The following CDC42EP4 variants were observed in gnomAD, a reference collection of about 807,000 sequenced individuals.
CDC42EP4 encodes CDC42 effector protein 4.
Under a neutral mutation model 5.6 loss-of-function variants are expected in CDC42EP4, and 6 were observed. That is an observed-to-expected ratio of 1.07 (90% CI 0.59 to 2.12). The LOEUF is 2.12. Among genes scored for constraint, CDC42EP4 ranks in the 30% most tolerant of loss-of-function variants. The pLI, the probability that CDC42EP4 is intolerant of heterozygous loss-of-function variation, is 0.00. For missense variants in CDC42EP4, 490 were observed against 508.6 expected (o/e 0.96, Z 0.35); for synonymous variants, 230 against 224.2 (o/e 1.03, Z -0.23).
chr17:73,283,948 T>C lies in CDC42EP4; in HGVS notation c.*1482A>G, dbSNP rs1256932151. The C allele has an allele frequency of 2.0e-5, 3 of 152,194 alleles. No individual in the cohort carries two copies. The highest frequency in any genetic ancestry group is 2.9e-5 in the Non-Finnish European group (2 of 68,072). 9.4% of individuals were successfully genotyped at this position (152,194 alleles called of 1,614,324 possible). A position where few individuals can be genotyped will look rare whatever the true frequency, so the allele number is the denominator to read the frequency against. ...TCTCCCCCTCCCCTCACTGGCTACA[T>C]GGAGACAGGGAGGTGGGTCAGGCTG... On this transcript the variant is annotated 3_prime_UTR_variant, in exon 2 of 2. Transcript: ENST00000335793.
At chr17:73,311,237 G>A (rs898304634) in intron 1 of CDC42EP4, 2 of 152,198 alleles carry the variant, frequency 1.3e-5, no homozygotes, top group Non-Finnish European at 2.9e-5. Context: ...AAGGGTTCGC[G>A]GGGCGGGAGT....
rs761141537 is a variant in CDC42EP4 at position 73,286,728 on chromosome 17, G to A, written c.-112-116C>T. ...AGCGCTCCTACCAAAGTTAAATGCT[G>A]TGAAATAAGCCAGCAATCCATGGTA... On this transcript the variant is annotated intron_variant, in intron 1 of 1. Coordinates refer to ENST00000335793, the MANE Select transcript of CDC42EP4 (RefSeq NM_012121.5). The surrounding 1 kb of genome is among the most constrained non-coding windows in gnomAD (Gnocchi z 7.7). 91 of 548,926 alleles carry A rather than the reference G, an allele frequency of 1.7e-4. No individual in the cohort carries two copies. The highest frequency in any genetic ancestry group is 2.7e-4 in the Non-Finnish European group (84 of 309,338). The allele number at this position is 548,926 out of a possible 1,614,324, so 34.0% of individuals were successfully genotyped here.
rs576459506 is a variant in CDC42EP4 at position 73,284,021 on chromosome 17, C to T, written c.*1409G>A. On this transcript the variant is annotated 3_prime_UTR_variant, in exon 2 of 2. Coordinates refer to ENST00000335793, the MANE Select transcript of CDC42EP4 (RefSeq NM_012121.5). ...GGCAGTCAACCTCAGGGCTCATACCCGAGCTTCTGCTCAATCCCCTCGGGG... is the reference window on the plus strand; with the variant it reads ...GGCAGTCAACCTCAGGGCTCATACCTGAGCTTCTGCTCAATCCCCTCGGGG... 6.6e-6 allele frequency: 1 copy of T among 152,212 alleles called. No individual in the cohort carries two copies. Among genetic ancestry groups the T allele is most frequent in the Non-Finnish European group, 1.5e-5 (1 of 68,044 alleles). 9.4% of individuals were successfully genotyped at this position (152,212 alleles called of 1,614,324 possible).
intron 1 of CDC42EP4, among the ~76,000 whole-genome samples, chr17:73,291,959 G>A (rs762876884): frequency 3.3e-5 from 5 of 152,116 alleles, no homozygotes; most frequent in South Asian, 2.1e-4. Context: ...TGGACCCCTC[G>A]CCTATCCTCC....
Position 73,285,675 on chromosome 17 carries a change from G to A in CDC42EP4, c.826C>T (p.Leu276Phe). Reference sequence around the variant, plus strand: ...TCATCCTCCAGAGCATGGGAGGGGAGGGAGGGCAAGTCTGGGCCAGCCTTG... The same window carrying A: ...TCATCCTCCAGAGCATGGGAGGGGAAGGAGGGCAAGTCTGGGCCAGCCTTG... Reference protein sequence around the residue: ...EGKAGPDLPSLPSHALEDEGW... With the variant: ...EGKAGPDLPSFPSHALEDEGW... Residue 276 changes from leucine (L) to phenylalanine (F), a missense_variant, in exon 2 of 2, where the codon CTC becomes TTC. Coordinates refer to ENST00000335793, the MANE Select transcript of CDC42EP4 (RefSeq NM_012121.5). This position sits in a 1 kb window ranked among gnomAD's most constrained non-coding sequence, Gnocchi z 6.8. 6.3e-7 allele frequency: 1 copy of A among 1,577,908 alleles called. No individual in the cohort carries two copies. The highest frequency in any genetic ancestry group is 1.3e-5 in the African/African-American group (1 of 74,508).
At chr17:73,295,654 G>A (rs566509720) in intron 1 of CDC42EP4, among the ~76,000 whole-genome samples, 75 of 152,272 alleles carry the variant, frequency 4.9e-4, no homozygotes, top group African/African-American at 7.7e-4. Context: ...TGTAATCCCA[G>A]CACTTTGGGA....
chr17:73,290,332 G>A (rs1441620003), intron 1 of CDC42EP4, among the ~76,000 whole-genome samples: 2 of 152,194 alleles, frequency 1.3e-5, no homozygotes, highest in African/African-American at 2.4e-5. Flanking sequence ...AGTGACCACC[G>A]ACCACTGAGT....
Position 73,285,356 on chromosome 17 carries a change from G to A in CDC42EP4, c.*74C>T. On this transcript the variant is annotated 3_prime_UTR_variant, in exon 2 of 2. Coordinates refer to ENST00000335793, the MANE Select transcript of CDC42EP4 (RefSeq NM_012121.5). This position sits in a 1 kb window ranked among gnomAD's most constrained non-coding sequence, Gnocchi z 6.8. ...GTCCTGGCTGCCCCTGCGCCGTAGGGTCAAAGGTCATAGTGGGGTGGGGGC... is the reference window on the plus strand; with the variant it reads ...GTCCTGGCTGCCCCTGCGCCGTAGGATCAAAGGTCATAGTGGGGTGGGGGC... The A allele has an allele frequency of 1.6e-6, 2 of 1,266,850 alleles. No individual in the cohort carries two copies. The highest frequency in any genetic ancestry group is 2.2e-6 in the Non-Finnish European group (2 of 906,932). 78.5% of individuals were successfully genotyped at this position (1,266,850 alleles called of 1,614,324 possible).
At chr17:73,305,836 A>G (rs977058091) in intron 1 of CDC42EP4, among the ~76,000 whole-genome samples, 9 of 152,210 alleles carry the variant, frequency 5.9e-5, no homozygotes, top group African/African-American at 2.2e-4. Flanking sequence ...AAGTCTGTAC[A>G]GTGAAACGTG....
At chr17:73,295,520 C>T (rs2145315534) in intron 1 of CDC42EP4, among the ~76,000 whole-genome samples, 1 of 152,348 alleles carries the variant, frequency 6.6e-6, no homozygotes, top group African/African-American at 2.4e-5. Context: ...GATCCAAGAG[C>T]TGCTCAGAGT....
chr17:73,299,600 C>T (rs1184685998), intron 1 of CDC42EP4, among the ~76,000 whole-genome samples: 1 of 152,092 alleles, frequency 6.6e-6, no homozygotes, highest in Non-Finnish European at 1.5e-5. Context: ...CGTTGCACCC[C>T]ACACCCAGCC....
chr17:73,285,718 G>T lies in CDC42EP4; in HGVS notation c.783C>A (p.Pro261=). 6.4e-7 allele frequency: 1 copy of T among 1,574,070 alleles called. No individual in the cohort carries two copies. Among genetic ancestry groups the T allele is most frequent in the African/African-American group, 1.3e-5 (1 of 74,448 alleles). The part of the protein sequence containing the change: ...QAPPYAVAAP[P]LARQEGKAGP... The stretch of plus-strand genomic sequence containing the variant: ...CAGCCTTGCCTTCCTGCCTTGCCAG[G>T]GGAGGGGCCGCCACGGCGTACGGGG... The change falls in exon 2 of 2, where the codon CCC becomes CCA. Residue 261 remains proline, a synonymous_variant. Coordinates refer to ENST00000335793, the MANE Select transcript of CDC42EP4 (RefSeq NM_012121.5). This position sits in a 1 kb window ranked among gnomAD's most constrained non-coding sequence, Gnocchi z 6.8.
chr17:73,311,772 G>C (rs2062276504), intron 1 of CDC42EP4, 121 bp downstream of exon 1: 2 of 151,414 alleles, frequency 1.3e-5, no homozygotes, highest in Admixed American at 1.3e-4. Context: ...CCGCGCCGCG[G>C]CCTCGCATCC....
chr17:73,286,071 C>A lies in CDC42EP4; in HGVS notation c.430G>T (p.Val144Leu), dbSNP rs547607679. The A allele has an allele frequency of 1.2e-6, 2 of 1,613,988 alleles. No homozygotes were observed. The highest frequency in any genetic ancestry group is 1.7e-6 in the Non-Finnish European group (2 of 1,180,020). Residue 144 changes from valine (V) to leucine (L), a missense_variant, in exon 2 of 2, where the codon GTG becomes TTG. Val to Leu is a conservative substitution (Grantham distance 32, BLOSUM62 1). Coordinates refer to ENST00000335793, the MANE Select transcript of CDC42EP4 (RefSeq NM_012121.5). The surrounding 1 kb of genome is among the most constrained non-coding windows in gnomAD (Gnocchi z 7.7). ...CCCTCCCCGTCATTGGCCTTCTTCA[C>A]GGGGCTGGATGACAGGCTCTTGGGC... is the stretch of plus-strand genomic sequence containing the variant. Reference protein sequence around the residue: ...KLPKSLSSSPVKKANDGEGGD... With the variant: ...KLPKSLSSSPLKKANDGEGGD...
At chr17:73,310,610 G>C (rs537303370) in intron 1 of CDC42EP4, among the ~76,000 whole-genome samples, 1 of 152,138 alleles carries the variant, frequency 6.6e-6, no homozygotes, top group Non-Finnish European at 1.5e-5. Flanking sequence ...CAGAGGCAAC[G>C]AGAAAAGAAA....
At chr17:73,293,310 T>C (rs1599432839) in intron 1 of CDC42EP4, among the ~76,000 whole-genome samples, 1 of 152,200 alleles carries the variant, frequency 6.6e-6, no homozygotes, top group East Asian at 1.9e-4. Flanking sequence ...GTTGCAGAAA[T>C]GCAGGTCAAA....
chr17:73,297,957 C>A (rs1025578308), intron 1 of CDC42EP4, among the ~76,000 whole-genome samples: 3 of 150,952 alleles, frequency 2.0e-5, no homozygotes, highest in Non-Finnish European at 2.9e-5. Context: ...CCGCACCTGG[C>A]CTTTTTCTTT....
intron 1 of CDC42EP4, among the ~76,000 whole-genome samples, chr17:73,310,556 C>G (rs976576222): frequency 1.1e-4 from 16 of 151,822 alleles, no homozygotes; most frequent in Admixed American, 3.3e-4. Flanking sequence ...ATGTGGGAGC[C>G]GGTCAGATTG....
intron 1 of CDC42EP4, among the ~76,000 whole-genome samples, chr17:73,287,166 G>C (rs986863944): frequency 6.6e-6 from 1 of 152,248 alleles, no homozygotes; most frequent in African/African-American, 2.4e-5. Context: ...AGGCTGACCA[G>C]CTCCTCCCCC....
Sources: allele counts gnomAD v4.1 joint callset (sites outside exome capture counted in the v4.1 genomes callset), GRCh38; gene constraint gnomAD v4.1.1; non-coding constraint Gnocchi (gnomAD v3.1); transcripts MANE v1.5; gene names NCBI Gene and HGNC (gene_info 2026-07-23, HGNC 2026-07-21).